The following CAMTA1 variants were observed in gnomAD, a reference collection of about 807,000 sequenced individuals.
The protein encoded by CAMTA1 is calmodulin binding transcription activator 1, also known as calmodulin-binding transcription activator 1.
In CAMTA1, 27 loss-of-function variants were observed where a neutral mutation model predicts 170.9. The ratio of observed to expected loss-of-function variants is 0.16; its 90% CI spans 0.12 to 0.22. The LOEUF (loss-of-function observed/expected upper bound fraction) is 0.22. CAMTA1 is among the 10% of genes least tolerant of loss of function. The pLI is 1.00. For synonymous variants in CAMTA1, 833 were observed against 891.5 expected (o/e 0.93, Z 1.17); for missense variants, 1,619 against 2,217.2 (o/e 0.73, Z 5.42).
intron 5 of CAMTA1, among the ~76,000 whole-genome samples, chr1:7,432,763 C>A (rs139067573): frequency 6.6e-6 from 1 of 152,240 alleles, no homozygotes; most frequent in African/African-American, 2.4e-5. Context: ...CCCCTTGTGG[C>A]CCTGCATCTC....
intron 3 of CAMTA1, among the ~76,000 whole-genome samples, chr1:7,066,145 G>A (rs147499705): frequency 2.0e-5 from 3 of 152,180 alleles, no homozygotes; most frequent in East Asian, 1.9e-4. Flanking sequence ...CATCCTCTCC[G>A]AGGGGTCTTT....
At chr1:7,079,601 A>G (rs191876804) in intron 3 of CAMTA1, among the ~76,000 whole-genome samples, 1 of 151,796 alleles carries the variant, frequency 6.6e-6, no homozygotes, top group East Asian at 1.9e-4. Flanking sequence ...CCTCCCAAGT[A>G]GCTGGAATTA....
In CAMTA1 at chr1:7,538,094, C is replaced by T. The variant is rs140901645; in HGVS notation, c.510+70193C>T. On this transcript the variant is annotated intron_variant, in intron 6 of 22. Coordinates refer to ENST00000303635, the MANE Select transcript of CAMTA1 (RefSeq NM_015215.4). ...CTCAAGCTTGGAGCCCTCATTTGCA[C>T]GTGCAGTGTTGTGCTGGTAGCTGTT... Among the ~76,000 whole-genome samples the T allele has an allele frequency of 1.0e-3, 159 of 152,332 alleles. No individual in the cohort carries two copies. In the Middle Eastern group the frequency reaches 0.014, roughly 13 times the overall value.
intron 6 of CAMTA1, among the ~76,000 whole-genome samples, chr1:7,549,186 T>C (rs2094762576): frequency 6.8e-6 from 1 of 147,534 alleles, no homozygotes; most frequent in African/African-American, 2.5e-5. Flanking sequence ...CCCTTATGGG[T>C]GGAGGTGCCC....
intron 4 of CAMTA1, among the ~76,000 whole-genome samples, chr1:7,102,057 CACACACACACACAG>C (rs905080209): frequency 9.0e-5 from 10 of 111,314 alleles, no homozygotes; most frequent in African/African-American, 2.5e-4. Context: ...CACACACACA[CACACACACACACAG>C]CTTCCTGTAT....
At chr1:6,809,500 G>GC (rs1237600664) in intron 1 of CAMTA1, among the ~76,000 whole-genome samples, 1 of 152,112 alleles carries the variant, frequency 6.6e-6, no homozygotes, top group African/African-American at 2.4e-5. Context: ...TTAGAGGTCA[G>GC]CCCCCTGGGC....
chr1:6,969,038 C>T (rs935378496), intron 3 of CAMTA1, among the ~76,000 whole-genome samples: 1 of 152,052 alleles, frequency 6.6e-6, no homozygotes, highest in African/African-American at 2.4e-5. Flanking sequence ...CAGAGAGGGG[C>T]CAGTCTTGCC....
intron 4 of CAMTA1, among the ~76,000 whole-genome samples, chr1:7,192,144 T>C (rs1654646230): frequency 6.6e-6 from 1 of 152,258 alleles, no homozygotes; most frequent in Admixed American, 6.5e-5. Context: ...TTGGCTACAA[T>C]GCTCCTGGTT....
intron 3 of CAMTA1, among the ~76,000 whole-genome samples, chr1:6,989,953 G>A (rs1280333962): frequency 6.6e-6 from 1 of 152,182 alleles, no homozygotes; most frequent in Non-Finnish European, 1.5e-5. Flanking sequence ...GCAGCAACAT[G>A]ACCTCTGCAT....
At chr1:7,526,884 G>A (rs1368019298) in intron 6 of CAMTA1, among the ~76,000 whole-genome samples, 2 of 152,232 alleles carry the variant, frequency 1.3e-5, no homozygotes, top group African/African-American at 4.8e-5. Context: ...TGTCTGAAGA[G>A]TTCACTCTAT....
chr1:6,927,633 A>G (rs1313724116), intron 3 of CAMTA1, among the ~76,000 whole-genome samples: 1 of 152,202 alleles, frequency 6.6e-6, no homozygotes. Flanking sequence ...TTCAGCAGCC[A>G]CTGAAACCCC....
chr1:7,206,119 G>A lies in CAMTA1; in HGVS notation c.303-43372G>A, dbSNP rs560507361. ...TTATGAAGGCTTTGTAGTATTTTTA[G>A]TGTCTGGTAGGGCTTATGTTCCCAT... On this transcript the variant is annotated intron_variant, in intron 4 of 22. Coordinates refer to ENST00000303635, the MANE Select transcript of CAMTA1 (RefSeq NM_015215.4). 8.5e-5 allele frequency among the ~76,000 whole-genome samples: 13 copies of A among 152,232 alleles called. No individual in the cohort carries two copies. In the South Asian group the frequency reaches 2.5e-3, roughly 29 times the overall value.
chr1:7,741,714 G>A (rs998673054), intron 16 of CAMTA1, among the ~76,000 whole-genome samples: 1 of 152,056 alleles, frequency 6.6e-6, no homozygotes, highest in African/African-American at 2.4e-5. Flanking sequence ...GGCCAACATG[G>A]TGAAACTCCG....
chr1:6,996,152 A>G (rs924335731), intron 3 of CAMTA1, among the ~76,000 whole-genome samples: 14 of 152,214 alleles, frequency 9.2e-5, no homozygotes, highest in African/African-American at 3.4e-4. Context: ...ATCAGAATAA[A>G]CAGACATCTT....
In CAMTA1 at chr1:7,107,162, A is replaced by G. The variant is rs183884090; in HGVS notation, c.302+15791A>G. ...TGGGGTTACAAAGGCAGTGGAAAACATGGCCCCTGATCTAATTGGAAAGAC... is the reference window on the plus strand; with the variant it reads ...TGGGGTTACAAAGGCAGTGGAAAACGTGGCCCCTGATCTAATTGGAAAGAC... On this transcript the variant is annotated intron_variant, in intron 4 of 22. Transcript: ENST00000303635. Among the ~76,000 whole-genome samples the G allele has an allele frequency of 2.9e-3, 437 of 152,254 alleles. 2 individuals carry two copies. The highest frequency in any genetic ancestry group is 4.8e-3 in the Non-Finnish European group (328 of 68,028).
intron 4 of CAMTA1, among the ~76,000 whole-genome samples, chr1:7,141,669 G>T (rs1308929996): frequency 6.6e-6 from 1 of 152,204 alleles, no homozygotes; most frequent in East Asian, 1.9e-4. Flanking sequence ...ACCTACTCTG[G>T]AGTCTGGCAC....
At chr1:6,821,167 A>C (rs1375524836) in intron 2 of CAMTA1, among the ~76,000 whole-genome samples, 1 of 152,206 alleles carries the variant, frequency 6.6e-6, no homozygotes, top group Non-Finnish European at 1.5e-5. Context: ...TTTCTACTTA[A>C]AAAGCTGTTA....
chr1:6,801,441 C>T (rs1029219428), intron 1 of CAMTA1, among the ~76,000 whole-genome samples: 4 of 152,128 alleles, frequency 2.6e-5, no homozygotes, highest in Non-Finnish European at 5.9e-5. Context: ...TTGCTACCTT[C>T]GTCACTGTCC....
intron 4 of CAMTA1, among the ~76,000 whole-genome samples, chr1:7,236,196 T>C (rs12144375): frequency 0.04 from 6,133 of 152,218 alleles, 169 homozygotes; most frequent in Non-Finnish European, 0.062. Context: ...TCCTGTGAGA[T>C]TCGGGCTGTC....
Sources: gnomAD v4.1 joint callset for allele counts (sites outside exome capture counted in the v4.1 genomes callset) on GRCh38, gnomAD v4.1.1 for gene constraint, MANE v1.5 for transcripts, NCBI Gene and HGNC (gene_info 2026-07-23, HGNC 2026-07-21) for gene names.